ARHGAP39: variants seen among roughly 807,000 people sequenced by gnomAD.
The protein encoded by ARHGAP39 is Rho GTPase activating protein 39, also known as rho GTPase-activating protein 39.
ARHGAP39 carries 44 observed loss-of-function variants against 106.9 expected under a neutral mutation model. The observed-to-expected ratio is 0.41, with a 90% CI of 0.32 to 0.53. The LOEUF (loss-of-function observed/expected upper bound fraction) is 0.53. Among genes scored for constraint, ARHGAP39 ranks in the 20% least tolerant of loss-of-function variants. The pLI is 0.21. For synonymous variants in ARHGAP39, 768 were observed against 693.2 expected, an observed-to-expected ratio of 1.11 and a Z score of -1.69; for missense variants, 1,496 against 1,577.3, an observed-to-expected ratio of 0.95 and a Z score of 0.87.
At chr8:144,650,045 A>C (rs1050863634) in intron 1 of ARHGAP39, among the ~76,000 whole-genome samples, 1 of 152,058 alleles carries the variant, frequency 6.6e-6, no homozygotes, top group Non-Finnish European at 1.5e-5. Flanking sequence ...TGGAAGGCTA[A>C]GACAGGAGAA....
At chr8:144,636,200 G>C in intron 1 of ARHGAP39, among the ~76,000 whole-genome samples, 1 of 152,212 alleles carries the variant, frequency 6.6e-6, no homozygotes. Flanking sequence ...TTTGTGGCTG[G>C]TATGGAGAAA....
At chr8:144,552,114 G>T (rs1441532611) in intron 4 of ARHGAP39, among the ~76,000 whole-genome samples, 2 of 152,202 alleles carry the variant, frequency 1.3e-5, no homozygotes, top group Non-Finnish European at 2.9e-5. Context: ...CTTCCAAACT[G>T]CAAGGGAAGT....
At chr8:144,651,415 A>G (rs1821570931) in intron 1 of ARHGAP39, among the ~76,000 whole-genome samples, 1 of 152,240 alleles carries the variant, frequency 6.6e-6, no homozygotes, top group Non-Finnish European at 1.5e-5. Context: ...TTTTAAATTC[A>G]TATGCAGCCG....
chr8:144,682,817 T>C (rs1267252493), intron 1 of ARHGAP39, among the ~76,000 whole-genome samples: 2 of 151,968 alleles, frequency 1.3e-5, no homozygotes, highest in East Asian at 1.9e-4. Flanking sequence ...TTGAGACCAA[T>C]CTGGGTGACA....
In ARHGAP39 at chr8:144,595,684, T is replaced by C. The variant is rs146420168; in HGVS notation, c.80+9851A>G. ...GGGAACATGTGGAGGGTGCAGAGGC[T>C]GAACGGGGCCACCAGGGTCCACGAT... is the stretch of plus-strand genomic sequence containing the variant. On this transcript the variant is annotated intron_variant, in intron 2 of 11. Coordinates refer to ENST00000377307, the MANE Select transcript of ARHGAP39 (RefSeq NM_025251.3). 3.6e-3 allele frequency among the ~76,000 whole-genome samples: 548 copies of C among 152,202 alleles called. 3 individuals are homozygous for C. The highest frequency in any genetic ancestry group is 0.013 in the African/African-American group (529 of 41,524).
chr8:144,538,860 T>C (rs1034829846), intron 6 of ARHGAP39, among the ~76,000 whole-genome samples: 1 of 152,206 alleles, frequency 6.6e-6, no homozygotes, highest in African/African-American at 2.4e-5. Flanking sequence ...TGTGAGCCAC[T>C]GCGCCCGGCC....
chr8:144,602,100 C>T (rs558277502), intron 2 of ARHGAP39, among the ~76,000 whole-genome samples: 225 of 128,932 alleles, frequency 1.7e-3, no homozygotes, highest in African/African-American at 6.3e-3. Context: ...CGTGTGTGCT[C>T]GTGTACCTGT....
intron 10 of ARHGAP39, among the ~76,000 whole-genome samples, 195 bp downstream of exon 10, chr8:144,532,110 G>C (rs535989680): frequency 1.3e-5 from 2 of 152,190 alleles, no homozygotes; most frequent in South Asian, 4.1e-4. Context: ...GCATTGCACA[G>C]GTAGGCCTCG....
intron 3 of ARHGAP39, among the ~76,000 whole-genome samples, chr8:144,577,111 T>C (rs1818806550): frequency 2.0e-5 from 3 of 152,194 alleles, no homozygotes; most frequent in Admixed American, 1.3e-4. Context: ...CTTTGGGAAA[T>C]GCCGCTGGAG....
chr8:144,593,416 C>A (rs1252994000), intron 2 of ARHGAP39, among the ~76,000 whole-genome samples: 2 of 152,150 alleles, frequency 1.3e-5, no homozygotes, highest in African/African-American at 4.8e-5. Context: ...TCATGCCACA[C>A]ACAAACATTA....
rs565737972 is a variant in ARHGAP39, at chr8:144,542,486, T to G, written c.2521+2763A>C. Among the ~76,000 whole-genome samples, 5 of 152,302 alleles carry G rather than the reference T, an allele frequency of 3.3e-5. No individual in the cohort carries two copies. In the South Asian group the frequency reaches 8.3e-4, roughly 25 times the overall value. On this transcript the variant is annotated intron_variant, in intron 6 of 11. Coordinates refer to ENST00000377307, the MANE Select transcript of ARHGAP39 (RefSeq NM_025251.3). ...CGAGGGTCCCTAGGCTACAGTTTCC[T>G]TTTTCTAAGAACTGTGCTGCAGCCT...
intron 2 of ARHGAP39, among the ~76,000 whole-genome samples, chr8:144,600,509 T>C (rs1186331265): frequency 6.7e-6 from 1 of 148,960 alleles, no homozygotes; most frequent in East Asian, 2.0e-4. Context: ...GGTACCTACC[T>C]GCGTGTGCGT....
intron 1 of ARHGAP39, among the ~76,000 whole-genome samples, chr8:144,680,418 A>G (rs1822376824): frequency 6.6e-6 from 1 of 152,226 alleles, no homozygotes; most frequent in African/African-American, 2.4e-5. Flanking sequence ...CTGTTGAATA[A>G]AACCTCATTT....
intron 3 of ARHGAP39, among the ~76,000 whole-genome samples, chr8:144,577,616 T>C (rs1383382132): frequency 6.6e-6 from 1 of 152,212 alleles, no homozygotes; most frequent in Non-Finnish European, 1.5e-5. Flanking sequence ...CATAGTCCTA[T>C]ATATAGAAAA....
intron 7 of ARHGAP39, among the ~76,000 whole-genome samples, chr8:144,536,870 C>A (rs1249007297): frequency 6.6e-6 from 1 of 152,256 alleles, no homozygotes; most frequent in African/African-American, 2.4e-5. Context: ...CCTGCATGGG[C>A]AGCATGCAGT....
chr8:144,609,299 T>C (rs1563706266), intron 1 of ARHGAP39, among the ~76,000 whole-genome samples: 2 of 152,050 alleles, frequency 1.3e-5, no homozygotes, highest in Admixed American at 1.3e-4. Context: ...ATGGTTTCTC[T>C]TTAGTTTGGT....
chr8:144,618,307 G>A (rs948020014), intron 1 of ARHGAP39, among the ~76,000 whole-genome samples: 1 of 152,190 alleles, frequency 6.6e-6, no homozygotes, highest in African/African-American at 2.4e-5. Flanking sequence ...TGGTGCTGAG[G>A]GGTCTGTCAT....
rs934429624 is a variant in ARHGAP39 at position 144,591,417 on chromosome 8, T to C, written c.81-10140A>G. Among the ~76,000 whole-genome samples the C allele has an allele frequency of 1.3e-5, 2 of 152,074 alleles. No homozygotes were observed. Among genetic ancestry groups the C allele is most frequent in the Non-Finnish European group, 2.9e-5 (2 of 68,006 alleles). ...TCTTGAGGCCTGGGGGGACCAAAGG[T>C]AGCAGGGCCACCGTGAAGGGCCTGA... is the stretch of plus-strand genomic sequence containing the variant. On this transcript the variant is annotated intron_variant, in intron 2 of 11. Coordinates refer to ENST00000377307, the MANE Select transcript of ARHGAP39 (RefSeq NM_025251.3). The surrounding 1 kb of genome is among the most constrained non-coding windows in gnomAD (Gnocchi z 5.3).
At chr8:144,685,931 G>C (rs576625741), upstream of ARHGAP39, among the ~76,000 whole-genome samples, 18 of 150,628 alleles carry the variant, frequency 1.2e-4, no homozygotes, top group Middle Eastern at 6.8e-3. Flanking sequence ...CCGCCAGGGG[G>C]CACTGCCTCG....
Sources: gnomAD v4.1 joint callset for allele counts (sites outside exome capture counted in the v4.1 genomes callset) on GRCh38, gnomAD v4.1.1 for gene constraint, Gnocchi (gnomAD v3.1) non-coding constraint, MANE v1.5 for transcripts, NCBI Gene and HGNC (gene_info 2026-07-23, HGNC 2026-07-21) for gene names.